SLC6A13: variants seen among roughly 807,000 people sequenced by gnomAD.
SLC6A13 encodes the protein sodium- and chloride-dependent GABA transporter 2.
SLC6A13 carries 69 observed loss-of-function variants against 72.9 expected under a neutral mutation model. The observed-to-expected ratio is 0.95, with a 90% confidence interval of 0.78 to 1.16. The LOEUF (loss-of-function observed/expected upper bound fraction) is 1.16. SLC6A13 is among the 50% of genes most tolerant of loss of function. The probability of loss-of-function intolerance (pLI) is 0.00; values close to 1 mark genes in which losing one functional copy is unlikely to be tolerated. For missense variants in SLC6A13, 735 were observed against 760.5 expected (o/e 0.97, Z 0.39); for synonymous variants, 303 against 303.0 (o/e 1.00, Z 0.00).
chr12:231,265 G>C (rs1941696722), intron 7 of SLC6A13, among the ~76,000 whole-genome samples: 2 of 152,234 alleles, frequency 1.3e-5, no homozygotes, highest in Admixed American at 6.5e-5. Context: ...AGCGAGCCTG[G>C]CAGAAAAAGG....
Position 223,130 on chromosome 12 carries a change from A to G in SLC6A13, c.1414+2T>C. ...CTGGGACCTAGGGGAGGAGTCACTC[A>G]CCGTAAACCCAAGCCACACAGAGGG... On this transcript the variant is annotated splice_donor_variant, in intron 12 of 14. Coordinates refer to ENST00000343164, the MANE Select transcript of SLC6A13 (RefSeq NM_016615.5). LOFTEE classifies it high-confidence loss of function. The G allele has an allele frequency of 3.1e-6, 5 of 1,598,328 alleles. No individual in the cohort carries two copies. In the South Asian group the frequency reaches 4.4e-5, roughly 14 times the overall value.
intron 3 of SLC6A13, among the ~76,000 whole-genome samples, chr12:243,016 T>C (rs1165750006): frequency 6.6e-6 from 1 of 152,118 alleles, no homozygotes; most frequent in Non-Finnish European, 1.5e-5. Flanking sequence ...ATAGAACTTT[T>C]TTTTTTTTTT....
At chr12:237,042 G>C in intron 6 of SLC6A13, 116 bp downstream of exon 6, 1 of 1,142,254 alleles carries the variant, frequency 8.8e-7, no homozygotes. Context: ...TCAAATCCTC[G>C]CTGGGTCATC....
chr12:223,292 A>C (rs1941294671), intron 11 of SLC6A13, 58 bp from the exon 12 acceptor site: 2 of 1,122,342 alleles, frequency 1.8e-6, no homozygotes, highest in African/African-American at 3.1e-5. Context: ...AGAAAGATTC[A>C]CTCCTATGCC....
chr12:242,803 G>A (rs770429101), intron 3 of SLC6A13, 49 bp from the exon 4 acceptor site: 15 of 1,538,768 alleles, frequency 9.7e-6, no homozygotes, highest in South Asian at 9.6e-5. Flanking sequence ...CAGCGGTGGC[G>A]TGCACCTGTC....
chr12:229,284 C>T (rs902952596), intron 7 of SLC6A13, among the ~76,000 whole-genome samples: 4 of 152,136 alleles, frequency 2.6e-5, no homozygotes, highest in African/African-American at 7.2e-5. Flanking sequence ...CACTTCTCCC[C>T]GTTTAAAAAA....
chr12:235,456 C>T (rs1461109251), intron 6 of SLC6A13, among the ~76,000 whole-genome samples: 1 of 152,186 alleles, frequency 6.6e-6, no homozygotes. Flanking sequence ...ATTTAATGGA[C>T]ACTTATCAGT....
In SLC6A13 at chr12:232,275, G is replaced by A. The variant is rs541933544; in HGVS notation, c.831+2815C>T. ...TGCCTCCTTCCTCTCCGGCCTACCC[G>A]CAGACAAAGGTGATCTTTGTAGCTT... On this transcript the variant is annotated intron_variant, in intron 7 of 14. Transcript: ENST00000343164. Among the ~76,000 whole-genome samples, 7 of 152,170 alleles carry A rather than the reference G, an allele frequency of 4.6e-5. No individual in the cohort carries two copies. In the South Asian group the frequency reaches 8.3e-4, roughly 18 times the overall value.
intron 7 of SLC6A13, among the ~76,000 whole-genome samples, chr12:233,729 C>T (rs1475622306): frequency 1.3e-5 from 2 of 152,150 alleles, no homozygotes; most frequent in Non-Finnish European, 2.9e-5. Flanking sequence ...GTGAGTGACA[C>T]TTATGGCCCT....
chr12:255,613 T>C (rs1212235195), intron 2 of SLC6A13, among the ~76,000 whole-genome samples: 1 of 152,188 alleles, frequency 6.6e-6, no homozygotes, highest in Non-Finnish European at 1.5e-5. Context: ...GGAGAATCAC[T>C]TGAACCCAGT....
chr12:258,929 A>G, intron 2 of SLC6A13: 1 of 985,614 alleles, frequency 1.0e-6, no homozygotes, highest in Non-Finnish European at 1.2e-6. Flanking sequence ...CCGTGCCAGC[A>G]AAGTAGGAAA....
At position 254,639 on chromosome 12, in the gene SLC6A13, T is replaced by C. The variant is rs1942675827; in HGVS notation, c.202+5212A>G. On this transcript the variant is annotated intron_variant, in intron 2 of 14. Coordinates refer to ENST00000343164, the MANE Select transcript of SLC6A13 (RefSeq NM_016615.5). The surrounding 1 kb of genome is among the most constrained non-coding windows in gnomAD (Gnocchi z 4.4). ...TCTCATTTTCTGTCTCCTCTGCTGGTTTCCCATCTTCTCCCAGACCCACTA... is the reference window on the plus strand; with the variant it reads ...TCTCATTTTCTGTCTCCTCTGCTGGCTTCCCATCTTCTCCCAGACCCACTA... Among the ~76,000 whole-genome samples, 1 of 152,166 alleles carries C rather than the reference T, an allele frequency of 6.6e-6. No homozygotes were observed. Among genetic ancestry groups the C allele is most frequent in the Non-Finnish European group, 1.5e-5 (1 of 68,042 alleles).
chr12:261,492 G>A (rs1246223146), intron 1 of SLC6A13, among the ~76,000 whole-genome samples: 2 of 152,172 alleles, frequency 1.3e-5, no homozygotes, highest in East Asian at 3.8e-4. Flanking sequence ...CCTTGATTTT[G>A]CAGAGTGGCC....
At position 237,360 on chromosome 12, in the gene SLC6A13, C is replaced by G. The variant is rs59384237; in HGVS notation, c.564-70G>C. The G allele has an allele frequency of 2.8e-4, 431 of 1,558,366 alleles. 1 individual carries two copies. The African/African-American group carries it at 3.9e-3, about 14-fold the overall frequency. The stretch of plus-strand genomic sequence containing the variant: ...TCAGTTTTGTGGCCCCGTCCTGGGA[C>G]AGTGGAGCTGAGCCTGCCTCCAGGC... On this transcript the variant is annotated intron_variant, in intron 5 of 14. Transcript: ENST00000343164.
chr12:235,365 G>A (rs758374024), intron 6 of SLC6A13, 141 bp from the exon 7 acceptor site: 5 of 797,390 alleles, frequency 6.3e-6, no homozygotes, highest in Non-Finnish European at 1.0e-5. Flanking sequence ...ATCCACAGCT[G>A]TTTAGTTCTG....
intron 7 of SLC6A13, among the ~76,000 whole-genome samples, chr12:231,742 T>C (rs485514): frequency 0.028 from 4,338 of 152,302 alleles, 209 homozygotes; most frequent in African/African-American, 0.098. Context: ...ATGGCCTCAT[T>C]AATGCTCAGA....
At chr12:248,395 C>T (rs1215969280) in intron 2 of SLC6A13, among the ~76,000 whole-genome samples, 5 of 127,030 alleles carry the variant, frequency 3.9e-5, no homozygotes, top group Admixed American at 7.8e-5. Context: ...CAGCAAGACT[C>T]CGTCTCGGAA....
At chr12:242,569 T>TG in intron 4 of SLC6A13, 45 bp downstream of exon 4, 1 of 1,582,098 alleles carries the variant, frequency 6.3e-7, no homozygotes, top group Non-Finnish European at 8.6e-7. Flanking sequence ...CCGGTTAATG[T>TG]GGCAGAACGA....
chr12:255,206 G>A (rs1416229589), intron 2 of SLC6A13, among the ~76,000 whole-genome samples: 1 of 152,134 alleles, frequency 6.6e-6, no homozygotes, highest in Non-Finnish European at 1.5e-5. Flanking sequence ...TACTCGCTCT[G>A]CCAGCAACCA....
Sources: allele counts gnomAD v4.1 joint callset (sites outside exome capture counted in the v4.1 genomes callset), GRCh38; gene constraint gnomAD v4.1.1; non-coding constraint Gnocchi (gnomAD v3.1); transcripts MANE v1.5; gene names NCBI Gene and HGNC (gene_info 2026-07-23, HGNC 2026-07-21).